Variants in WWOX observed in about 807,000 individuals in gnomAD.
The protein encoded by WWOX is WW domain containing oxidoreductase.
Under a neutral mutation model 46.2 loss-of-function variants are expected in WWOX, and 69 were observed. That is an observed-to-expected ratio of 1.49 (90% confidence interval 1.23 to 1.82). The LOEUF (loss-of-function observed/expected upper bound fraction) is 1.82. Ranked by LOEUF, WWOX falls within the 40% of genes most tolerant of loss-of-function variation. WWOX has a pLI of 0.00. For missense variants in WWOX, 919 were observed against 542.6 expected, an observed-to-expected ratio of 1.69 and a Z score of -6.89; for synonymous variants, 359 against 202.6, an observed-to-expected ratio of 1.77 and a Z score of -6.56.
chr16:78,288,897 T>C (rs189705389), intron 5 of WWOX, among the ~76,000 whole-genome samples: 1 of 152,120 alleles, frequency 6.6e-6, no homozygotes, highest in East Asian at 1.9e-4. Context: ...GAAGAAAAAA[T>C]CATCCTGGGG....
Position 78,302,525 on chromosome 16 carries a change from A to G in WWOX, c.517-84335A>G, listed in dbSNP as rs373907942. Among the ~76,000 whole-genome samples, 13 of 152,292 alleles carry G rather than the reference A, an allele frequency of 8.5e-5. No individual in the cohort carries two copies. In the East Asian group the frequency reaches 1.7e-3, roughly 20 times the overall value. On this transcript the variant is annotated intron_variant, in intron 5 of 8. Transcript: ENST00000566780. Reference sequence around the variant, plus strand: ...CAGACATGTTTTGTCTTATCCACACATGATGTAAAAACAAAATAAAAATGC... The same window carrying G: ...CAGACATGTTTTGTCTTATCCACACGTGATGTAAAAACAAAATAAAAATGC...
rs1273289440 is a variant in WWOX at position 78,578,281 on chromosome 16, T to TAG, written c.1056+145530_1056+145531insGA. On this transcript the variant is annotated intron_variant, in intron 8 of 8. Coordinates refer to ENST00000566780, the MANE Select transcript of WWOX (RefSeq NM_016373.4). The stretch of plus-strand genomic sequence containing the variant: ...ATATATATATATATATATATATATA[T>TAG]ATATTTTTTTTTTTTTTTTTTTTTT... Among the ~76,000 whole-genome samples, 3 of 48,828 alleles carry TAG rather than the reference T, an allele frequency of 6.1e-5. 1 individual carries two copies. In the East Asian group the frequency reaches 1.9e-3, roughly 31 times the overall value. The allele number at this position is 48,828 out of a possible 152,430, so 32.0% of individuals were successfully genotyped here. A position where few individuals can be genotyped will look rare whatever the true frequency, so the allele number is the denominator to read the frequency against.
chr16:78,505,336 C>T (rs924784581), intron 8 of WWOX, among the ~76,000 whole-genome samples: 10 of 152,134 alleles, frequency 6.6e-5, no homozygotes, highest in African/African-American at 2.4e-4. Flanking sequence ...CTTGACAATG[C>T]CTTCTTTAAC....
chr16:78,909,042 T>A (rs1176430275), intron 8 of WWOX, among the ~76,000 whole-genome samples: 1 of 152,200 alleles, frequency 6.6e-6, no homozygotes, highest in African/African-American at 2.4e-5. Context: ...TCATCTTTTG[T>A]TTCAAAGTTA....
chr16:79,188,425 A>G (rs938657832), intron 8 of WWOX, among the ~76,000 whole-genome samples: 4 of 152,232 alleles, frequency 2.6e-5, no homozygotes, highest in African/African-American at 9.6e-5. Context: ...TAGATACTTT[A>G]CATTTCCTTT....
intron 8 of WWOX, among the ~76,000 whole-genome samples, chr16:78,591,228 C>G (rs1000979204): frequency 6.6e-6 from 1 of 152,200 alleles, no homozygotes; most frequent in Non-Finnish European, 1.5e-5. Context: ...AAAGCACCTT[C>G]TCTTCCTATA....
chr16:79,211,542 G>GAAATGACGCCATCTCATCACTCC (rs2051748409), intron 8 of WWOX, 66 bp from the exon 9 acceptor site: 2 of 1,606,968 alleles, frequency 1.2e-6, no homozygotes, highest in Admixed American at 3.4e-5. Context: ...CCAGGCAGTC[G>GAAATGACGCCATCTCATCACTCC]AAATGACGCC....
chr16:78,407,443 C>A (rs1231206694), intron 6 of WWOX, among the ~76,000 whole-genome samples: 2 of 152,202 alleles, frequency 1.3e-5, no homozygotes, highest in Non-Finnish European at 2.9e-5. Flanking sequence ...TCTTAACATT[C>A]AGAAGAGTGT....
chr16:78,633,559 G>A (rs574775913), intron 8 of WWOX, among the ~76,000 whole-genome samples: 4 of 152,144 alleles, frequency 2.6e-5, no homozygotes, highest in Non-Finnish European at 5.9e-5. Context: ...TCACTGTGCG[G>A]GTTTCTGATG....
At chr16:78,202,672 A>C (rs1355976212) in intron 5 of WWOX, among the ~76,000 whole-genome samples, 2 of 152,188 alleles carry the variant, frequency 1.3e-5, no homozygotes, top group African/African-American at 4.8e-5. Flanking sequence ...CTTAGAATGA[A>C]TCCATTTGTC....
intron 8 of WWOX, among the ~76,000 whole-genome samples, chr16:79,001,666 G>C (rs1040730333): frequency 2.0e-5 from 3 of 151,828 alleles, no homozygotes; most frequent in Non-Finnish European, 4.4e-5. Flanking sequence ...AGGAGCTGGT[G>C]GCAGGGGGAG....
chr16:79,144,760 A>G (rs928606516), intron 8 of WWOX, among the ~76,000 whole-genome samples: 2 of 152,212 alleles, frequency 1.3e-5, no homozygotes, highest in African/African-American at 2.4e-5. Flanking sequence ...TTTCAGTTAT[A>G]CATTGTCAAC....
rs118167568 is a variant in WWOX, at chr16:78,941,637, T to C, written c.1057-269971T>C. Among the ~76,000 whole-genome samples the C allele has an allele frequency of 8.0e-3, 1,210 of 152,122 alleles. 5 individuals are homozygous for C. The highest frequency in any genetic ancestry group is 0.027 in the Middle Eastern group (8 of 294). On this transcript the variant is annotated intron_variant, in intron 8 of 8. Transcript: ENST00000566780. ...AAATCATAGGAGAGTGCTCAGAAAA[T>C]AGAGCATTTGTTATTCCTGCAGTAC... is the stretch of plus-strand genomic sequence containing the variant.
At chr16:78,622,344 A>G (rs2046209806) in intron 8 of WWOX, among the ~76,000 whole-genome samples, 1 of 151,974 alleles carries the variant, frequency 6.6e-6, no homozygotes, top group Admixed American at 6.6e-5. Context: ...GGAGTTTGAG[A>G]CCAGCCTGGC....
In WWOX at chr16:78,928,491, C is replaced by T. The variant is rs956603972; in HGVS notation, c.1057-283117C>T. On this transcript the variant is annotated intron_variant, in intron 8 of 8. Transcript: ENST00000566780. ...TGCTGGGATTACAGGCGTGAGCCAC[C>T]GCGCCCGGCCCCACTTTTCTTGTTG... is the stretch of plus-strand genomic sequence containing the variant. Among the ~76,000 whole-genome samples, 40 of 152,102 alleles carry T rather than the reference C, an allele frequency of 2.6e-4. 1 individual carries two copies. Among genetic ancestry groups the T allele is most frequent in the Admixed American group, 1.3e-3 (20 of 15,276 alleles).
chr16:79,203,613 C>T (rs1813526), intron 8 of WWOX: 42,903 of 150,846 alleles, frequency 0.28, 6,443 homozygotes, highest in African/African-American at 0.39. Context: ...GTTTGTGGTT[C>T]GTCCTGAAAT....
chr16:78,834,910 A>C (rs1297647321), intron 8 of WWOX, among the ~76,000 whole-genome samples: 3 of 152,202 alleles, frequency 2.0e-5, no homozygotes, highest in Non-Finnish European at 4.4e-5. Flanking sequence ...GTACCACCTT[A>C]GTCTGAGCAA....
intron 8 of WWOX, among the ~76,000 whole-genome samples, chr16:79,105,617 A>G (rs1289453137): frequency 1.3e-5 from 2 of 152,084 alleles, no homozygotes; most frequent in East Asian, 3.9e-4. Context: ...AGTCCTATAT[A>G]ATCTGCTTTC....
intron 8 of WWOX, among the ~76,000 whole-genome samples, chr16:78,680,146 A>C (rs1017633335): frequency 1.2e-4 from 18 of 152,306 alleles, no homozygotes; most frequent in Admixed American, 9.2e-4. Context: ...GTGGCGGCTC[A>C]CGCCTGTAAT....
Sources: allele counts gnomAD v4.1 joint callset (sites outside exome capture counted in the v4.1 genomes callset), GRCh38; gene constraint gnomAD v4.1.1; transcripts MANE v1.5; gene names NCBI Gene and HGNC (gene_info 2026-07-23, HGNC 2026-07-21).